CD226: variants seen among roughly 807,000 people sequenced by gnomAD.
CD226 encodes CD226 antigen.
CD226 carries 24 observed loss-of-function variants against 34.9 expected under a neutral mutation model. The observed-to-expected ratio is 0.69, with a 90% CI of 0.50 to 0.97. The LOEUF (loss-of-function observed/expected upper bound fraction) is 0.97, where lower values mean the gene tolerates loss of function less well. Ranked by LOEUF, CD226 falls within the 50% of genes least tolerant of loss-of-function variation. The pLI, the probability that CD226 is intolerant of heterozygous loss-of-function variation, is 0.00. For missense variants in CD226, 397 were observed against 412.7 expected (o/e 0.96, Z 0.33); for synonymous variants, 148 against 147.4 (o/e 1.00, Z -0.03).
intron 3 of CD226, among the ~76,000 whole-genome samples, chr18:69,878,970 C>T (rs945554766): frequency 1.3e-5 from 2 of 152,060 alleles, no homozygotes; most frequent in Admixed American, 6.5e-5. Context: ...AGCTGGGTGT[C>T]TAGGGGAGAC....
At chr18:69,906,849 T>C (rs1366200277) in intron 2 of CD226, among the ~76,000 whole-genome samples, 1 of 152,198 alleles carries the variant, frequency 6.6e-6, no homozygotes, top group Non-Finnish European at 1.5e-5. Flanking sequence ...ACTCGGACAG[T>C]GAGCAGATGC....
intron 2 of CD226, among the ~76,000 whole-genome samples, chr18:69,942,706 A>T (rs1383269684): frequency 6.6e-6 from 1 of 152,068 alleles, no homozygotes. Context: ...CTTTCCTGGG[A>T]GGCTGCCTCT....
intron 5 of CD226, among the ~76,000 whole-genome samples, chr18:69,866,847 A>G (rs1983178824): frequency 6.6e-6 from 1 of 152,170 alleles, no homozygotes; most frequent in Admixed American, 6.5e-5. Flanking sequence ...ACACACACAC[A>G]GCTGAGAACA....
intron 2 of CD226, among the ~76,000 whole-genome samples, chr18:69,927,391 C>A (rs12959207): frequency 1.3e-4 from 13 of 98,476 alleles, no homozygotes; most frequent in South Asian, 7.7e-4. Context: ...CACACACAAA[C>A]ACACACACAC....
intron 2 of CD226, among the ~76,000 whole-genome samples, chr18:69,915,561 C>T (rs144019510): frequency 8.2e-4 from 125 of 152,202 alleles, no homozygotes; most frequent in African/African-American, 2.4e-3. Context: ...TATTGCTACG[C>T]GCCATTTTTT....
intron 2 of CD226, 150 bp from the exon 3 acceptor site, chr18:69,896,195 T>TTC (rs1368213537): frequency 1.4e-6 from 2 of 1,406,806 alleles, no homozygotes; most frequent in Non-Finnish European, 1.8e-6. Context: ...TTTTTTTTTT[T>TTC]TCCTGAGACG....
At position 69,853,464 on chromosome 18, in the gene CD226, C is replaced by A. The variant is rs1982530334; in HGVS notation, c.*10850G>T. 6.6e-6 allele frequency: 1 copy of A among 152,184 alleles called. No homozygotes were observed. The highest frequency in any genetic ancestry group is 1.5e-5 in the Non-Finnish European group (1 of 68,032). The allele number at this position is 152,184 out of a possible 1,614,324, so 9.4% of individuals were successfully genotyped here. On this transcript the variant is annotated 3_prime_UTR_variant, in exon 6 of 6. Coordinates refer to ENST00000582621, the MANE Select transcript of CD226 (RefSeq NM_001303618.2). ...AAATATATAGACATAGAACCCTTGA[C>A]AATGCTTTACTTCTGTGGCTCCTCT...
At chr18:69,873,435 C>T (rs954971755) in intron 3 of CD226, among the ~76,000 whole-genome samples, 189 bp from the exon 4 acceptor site, 6 of 151,368 alleles carry the variant, frequency 4.0e-5, no homozygotes, top group African/African-American at 1.2e-4. Context: ...TTTCTAACTC[C>T]TAATAGATTT....
intron 2 of CD226, among the ~76,000 whole-genome samples, chr18:69,934,182 C>T (rs2055622252): frequency 6.6e-6 from 1 of 151,598 alleles, no homozygotes; most frequent in Non-Finnish European, 1.5e-5. Flanking sequence ...ATAAATGTAT[C>T]CTATTAGTGA....
chr18:69,871,040 C>G (rs1294302978), intron 4 of CD226, among the ~76,000 whole-genome samples: 1 of 152,184 alleles, frequency 6.6e-6, no homozygotes, highest in African/African-American at 2.4e-5. Context: ...TTCTACCGTT[C>G]AATTTAGCTA....
intron 3 of CD226, 57 bp from the exon 4 acceptor site, chr18:69,873,303 G>C (rs1983658988): frequency 1.2e-6 from 1 of 843,918 alleles, no homozygotes. Context: ...GCAGTAAAAA[G>C]TAAGGCAGGA....
At chr18:69,893,845 T>C (rs1297120612) in intron 3 of CD226, among the ~76,000 whole-genome samples, 1 of 152,246 alleles carries the variant, frequency 6.6e-6, no homozygotes, top group Non-Finnish European at 1.5e-5. Context: ...GAAAAGATGT[T>C]ATTCCCTGAA....
chr18:69,960,813 C>A (rs1405808504), upstream of CD226, among the ~76,000 whole-genome samples: 2 of 152,128 alleles, frequency 1.3e-5, no homozygotes, highest in Non-Finnish European at 2.9e-5. Context: ...ACAATTTCAT[C>A]AGCATGATAA....
intron 2 of CD226, among the ~76,000 whole-genome samples, chr18:69,928,766 A>T (rs956135630): frequency 3.9e-5 from 6 of 152,244 alleles, no homozygotes; most frequent in African/African-American, 1.4e-4. Context: ...GGAGCATTTC[A>T]GATTTCAGAT....
chr18:69,882,421 T>C (rs1262255287), intron 3 of CD226, among the ~76,000 whole-genome samples: 1 of 152,236 alleles, frequency 6.6e-6, no homozygotes, highest in Non-Finnish European at 1.5e-5. Flanking sequence ...TAATGTAGCA[T>C]CATTCAGTAC....
intron 2 of CD226, among the ~76,000 whole-genome samples, chr18:69,943,198 G>A (rs781399920): frequency 8.5e-5 from 13 of 152,146 alleles, no homozygotes; most frequent in Non-Finnish European, 1.9e-4. Context: ...TACAGAGCAG[G>A]CACCCAGTAA....
At chr18:69,873,730 G>GGGAT (rs1206615189) in intron 3 of CD226, among the ~76,000 whole-genome samples, 1 of 152,130 alleles carries the variant, frequency 6.6e-6, no homozygotes, top group Admixed American at 6.5e-5. Context: ...AGTGATCCCA[G>GGGAT]TGTGGTGGTG....
chr18:69,959,330 T>C (rs1191669163), upstream of CD226, among the ~76,000 whole-genome samples: 1 of 152,124 alleles, frequency 6.6e-6, no homozygotes. Flanking sequence ...ACAAGAGCCC[T>C]CTCTCCAACA....
intron 3 of CD226, among the ~76,000 whole-genome samples, chr18:69,894,406 GGAAGGAAGGAAGGA>G (rs1366101720): frequency 0.048 from 3 of 62 alleles, 1 homozygote; most frequent in Non-Finnish European, 0.12. Context: ...AAGGAAGGAA[GGAAGGAAGGAAGGA>G]AGGGAGGGAG....
Sources: gnomAD v4.1 joint callset for allele counts (sites outside exome capture counted in the v4.1 genomes callset) on GRCh38, gnomAD v4.1.1 for gene constraint, MANE v1.5 for transcripts, NCBI Gene and HGNC (gene_info 2026-07-23, HGNC 2026-07-21) for gene names.